Variants in PKP1 observed in about 807,000 individuals in gnomAD.
PKP1 encodes plakophilin-1.
Under a neutral mutation model 76.4 loss-of-function variants are expected in PKP1, and 27 were observed. The observed-to-expected ratio is 0.35, with a 90% CI of 0.26 to 0.49. The LOEUF (loss-of-function observed/expected upper bound fraction) is 0.49. Ranked by LOEUF, PKP1 falls within the 20% of genes least tolerant of loss-of-function variation. PKP1 has a pLI of 0.99. For missense variants in PKP1, 964 were observed against 955.2 expected, an observed-to-expected ratio of 1.01 and a Z score of -0.12; for synonymous variants, 404 against 384.2, an observed-to-expected ratio of 1.05 and a Z score of -0.60.
intron 2 of PKP1, among the ~76,000 whole-genome samples, chr1:201,302,479 G>T (rs906125535): frequency 2.6e-5 from 4 of 152,198 alleles, no homozygotes; most frequent in African/African-American, 9.7e-5. Context: ...ATCTTCTGGT[G>T]CCTTATTTCT....
intron 12 of PKP1, 50 bp downstream of exon 12, chr1:201,325,888 C>T (rs1183550243): frequency 1.4e-6 from 2 of 1,419,976 alleles, no homozygotes; most frequent in East Asian, 4.6e-5. Context: ...TGCTCATGAG[C>T]AGAGGGCCTG....
intron 9 of PKP1, 130 bp downstream of exon 9, chr1:201,323,319 A>G: frequency 1.2e-6 from 1 of 846,128 alleles, no homozygotes; most frequent in East Asian, 2.6e-5. Flanking sequence ...TGTGCCTGGC[A>G]TATGCTGGGC....
chr1:201,324,430 G>A lies in PKP1; in HGVS notation c.1683G>A (p.Met561Ile). ...ATCATCTACTCCTTCTCTCTTAGAT[G>A]TCCAGTGGCATGAGCCAGTTGATTG... ...LQNLTASKGLMSSGMSQLIGL... is the reference protein window; with the variant it reads ...LQNLTASKGLISSGMSQLIGL... The change falls in exon 10 of 14, where the codon ATG becomes ATA. Residue 561 changes from methionine (M) to isoleucine (I), a missense_variant and splice_region_variant. By Grantham distance (10) the Met-to-Ile change is conservative. Coordinates refer to ENST00000367324, the MANE Select transcript of PKP1 (RefSeq NM_001005337.3). The A allele has an allele frequency of 6.2e-7, 1 of 1,614,142 alleles. No individual in the cohort carries two copies. Among genetic ancestry groups the A allele is most frequent in the Non-Finnish European group, 8.5e-7 (1 of 1,180,036 alleles).
intron 2 of PKP1, among the ~76,000 whole-genome samples, chr1:201,300,230 G>A (rs932180029): frequency 2.0e-5 from 3 of 152,256 alleles, no homozygotes; most frequent in East Asian, 3.8e-4. Flanking sequence ...ACCCCTCCCT[G>A]TGGAAGGAGC....
intron 5 of PKP1, 44 bp from the exon 6 acceptor site, chr1:201,318,574 T>A: frequency 6.3e-7 from 1 of 1,593,554 alleles, no homozygotes; most frequent in Non-Finnish European, 8.6e-7. Context: ...CCCTAGGGCA[T>A]CCTGAGCCTG....
chr1:201,323,005 A>T lies in PKP1; in HGVS notation c.1504-8A>T, dbSNP rs1373594764. The T allele has an allele frequency of 6.2e-7, 1 of 1,613,646 alleles. No individual in the cohort carries two copies. The highest frequency in any genetic ancestry group is 8.5e-7 in the Non-Finnish European group (1 of 1,179,844). On this transcript the variant is annotated splice_region_variant and splice_polypyrimidine_tract_variant and intron_variant, in intron 8 of 13. Coordinates refer to ENST00000367324, the MANE Select transcript of PKP1 (RefSeq NM_001005337.3). ...CATTGACCCCCCTGACCGGCTCTTT[A>T]TCCTCAGAACAACAACTATGACTGC...
chr1:201,325,942 C>A, intron 12 of PKP1, 104 bp downstream of exon 12: 1 of 781,906 alleles, frequency 1.3e-6, no homozygotes, highest in Non-Finnish European at 2.3e-6. Context: ...AACGCCCCTG[C>A]CCTTCGGGAC....
chr1:201,325,562 G>C lies in PKP1; in HGVS notation c.2022-192G>C, dbSNP rs563081542. ...GGGTGCTCTAGGTGGGCAGGGGCAT[G>C]GGGTTGTGCCCACTGGGTAGGGTGA... On this transcript the variant is annotated intron_variant, in intron 11 of 13. Transcript: ENST00000367324. Among the ~76,000 whole-genome samples, 12 of 152,218 alleles carry C rather than the reference G, an allele frequency of 7.9e-5. No homozygotes were observed. In the South Asian group the frequency reaches 2.5e-3, roughly 32 times the overall value.
intron 4 of PKP1, 71 bp from the exon 5 acceptor site, chr1:201,317,501 C>T: frequency 1.5e-6 from 2 of 1,298,272 alleles, no homozygotes; most frequent in Non-Finnish European, 1.1e-6. Flanking sequence ...AAAAAATCAC[C>T]TTTGAGTAGA....
At chr1:201,310,304 A>T (rs1485068795) in intron 2 of PKP1, among the ~76,000 whole-genome samples, 1 of 152,184 alleles carries the variant, frequency 6.6e-6, no homozygotes, top group East Asian at 1.9e-4. Flanking sequence ...TGTTGGCTAC[A>T]ATTATACTAG....
chr1:201,324,823 G>A (rs1657061760), intron 10 of PKP1, 118 bp from the exon 11 acceptor site: 2 of 1,149,324 alleles, frequency 1.7e-6, no homozygotes, highest in South Asian at 2.8e-5. Flanking sequence ...AAGCCCTGAG[G>A]GCCACCTGGC....
chr1:201,288,593 G>A (rs1381439697), intron 1 of PKP1, among the ~76,000 whole-genome samples: 4 of 152,122 alleles, frequency 2.6e-5, no homozygotes, highest in East Asian at 1.9e-4. Flanking sequence ...CCAGCATGGG[G>A]GAGCACCCCT....
At chr1:201,322,944 C>A in intron 8 of PKP1, 69 bp from the exon 9 acceptor site, 1 of 1,512,114 alleles carries the variant, frequency 6.6e-7, no homozygotes, top group East Asian at 2.3e-5. Flanking sequence ...GGGATGGGGA[C>A]AGAATGCCTG....
chr1:201,323,799 T>C (rs1657023774), intron 9 of PKP1, among the ~76,000 whole-genome samples: 1 of 152,016 alleles, frequency 6.6e-6, no homozygotes, highest in Non-Finnish European at 1.5e-5. Flanking sequence ...TCCCTGGCTG[T>C]GAGGAGAGAG....
At chr1:201,308,086 C>T (rs1376182860) in intron 2 of PKP1, among the ~76,000 whole-genome samples, 1 of 152,240 alleles carries the variant, frequency 6.6e-6, no homozygotes, top group Non-Finnish European at 1.5e-5. Flanking sequence ...TTCTGTCTGT[C>T]CAGCTAGAGT....
intron 1 of PKP1, among the ~76,000 whole-genome samples, chr1:201,288,636 TACAC>T (rs139258774): frequency 6.6e-6 from 1 of 151,524 alleles, no homozygotes; most frequent in Non-Finnish European, 1.5e-5. Flanking sequence ...CTTTCTCTCA[TACAC>T]ACACACACAC....
chr1:201,304,601 A>C (rs898651937), intron 2 of PKP1, among the ~76,000 whole-genome samples: 1 of 152,218 alleles, frequency 6.6e-6, no homozygotes, highest in African/African-American at 2.4e-5. Context: ...CAGTTGGCTC[A>C]AAGAAGAAGG....
chr1:201,295,989 C>T (rs1188045806), intron 2 of PKP1, among the ~76,000 whole-genome samples: 3 of 152,196 alleles, frequency 2.0e-5, no homozygotes, highest in Non-Finnish European at 4.4e-5. Flanking sequence ...CCCAAACTGT[C>T]CTCACCCCTC....
At position 201,325,683 on chromosome 1, in the gene PKP1, G is replaced by A. The variant is rs548474664; in HGVS notation, c.2022-71G>A. The stretch of plus-strand genomic sequence containing the variant: ...TGTCCAGGCCCTGGCAGTGGGGGTG[G>A]GAGGGAAGAGGGTGCTCCTTCTCAC... On this transcript the variant is annotated intron_variant, in intron 11 of 13. Transcript: ENST00000367324. 1.2e-4 allele frequency: 134 copies of A among 1,154,222 alleles called. No individual in the cohort carries two copies. In the East Asian group the frequency reaches 3.1e-3, roughly 27 times the overall value. 71.5% of individuals were successfully genotyped at this position (1,154,222 alleles called of 1,614,324 possible). A position where few individuals can be genotyped will look rare whatever the true frequency, so the allele number is the denominator to read the frequency against.
Sources: gnomAD v4.1 joint callset for allele counts (sites outside exome capture counted in the v4.1 genomes callset) on GRCh38, gnomAD v4.1.1 for gene constraint, MANE v1.5 for transcripts, NCBI Gene and HGNC (gene_info 2026-07-23, HGNC 2026-07-21) for gene names.